Variants in ATXN3 observed in about 807,000 individuals in gnomAD.
The protein encoded by ATXN3 is ataxin-3.
ATXN3 carries 28 observed loss-of-function variants against 58.2 expected under a neutral mutation model. The observed-to-expected ratio is 0.48, with a 90% CI of 0.36 to 0.66. ATXN3 has a LOEUF of 0.66. Among genes scored for constraint, ATXN3 ranks in the 30% least tolerant of loss-of-function variants. The pLI, the probability that ATXN3 is intolerant of heterozygous loss-of-function variation, is 0.00. For missense variants in ATXN3, 321 were observed against 422.1 expected, an observed-to-expected ratio of 0.76 and a Z score of 2.10; for synonymous variants, 113 against 138.5, an observed-to-expected ratio of 0.82 and a Z score of 1.29.
upstream of ATXN3, among the ~76,000 whole-genome samples, chr14:92,051,289 T>C (rs1021647636): frequency 6.6e-6 from 1 of 152,234 alleles, no homozygotes; most frequent in African/African-American, 2.4e-5. Context: ...TTCCTGAAGT[T>C]AACAGATTCC....
rs997776178 is a variant in ATXN3 at position 92,080,538 on chromosome 14, T to C, written c.872+427A>G. ...ATTTTTATTTTTATTTATATATATA[T>C]ACATATATTTTTGGAGACGGAGTCT... On this transcript the variant is annotated intron_variant, in intron 9 of 10. Coordinates refer to ENST00000644486, the MANE Select transcript of ATXN3 (RefSeq NM_004993.6). 7 of 177,698 alleles carry C rather than the reference T, an allele frequency of 3.9e-5. No homozygotes were observed. The South Asian group carries it at 4.7e-4, about 12-fold the overall frequency. 11.0% of individuals were successfully genotyped at this position (177,698 alleles called of 1,614,324 possible).
Position 92,059,118 on chromosome 14 carries a change from T to A in ATXN3, c.*5202A>T, listed in dbSNP as rs1306938277. The A allele has an allele frequency of 6.6e-6, 1 of 152,114 alleles. No homozygotes were observed. Among genetic ancestry groups the A allele is most frequent in the Non-Finnish European group, 1.5e-5 (1 of 68,040 alleles). 9.4% of individuals were successfully genotyped at this position (152,114 alleles called of 1,614,324 possible). On this transcript the variant is annotated 3_prime_UTR_variant, in exon 11 of 11. Coordinates refer to ENST00000644486, the MANE Select transcript of ATXN3 (RefSeq NM_004993.6). ...ATGTTTTTTGATATGCTATTAAACA[T>A]GCCAATTACGACAAATTTAGAAGTT...
intron 9 of ATXN3, among the ~76,000 whole-genome samples, chr14:92,076,262 A>G (rs1160830496): frequency 6.6e-6 from 1 of 152,124 alleles, no homozygotes; most frequent in East Asian, 1.9e-4. Flanking sequence ...TCTGGCCAAC[A>G]TGGTGAAACC....
chr14:92,092,811 C>A (rs2064147606), intron 5 of ATXN3, among the ~76,000 whole-genome samples: 1 of 150,556 alleles, frequency 6.6e-6, no homozygotes, highest in African/African-American at 2.4e-5. Context: ...TGGTCAGTTT[C>A]CTAATTTTAA....
At chr14:92,083,046 C>G in intron 7 of ATXN3, 80 bp downstream of exon 7, 1 of 1,489,032 alleles carries the variant, frequency 6.7e-7, no homozygotes, top group Non-Finnish European at 9.0e-7. Context: ...ACAAGGACCA[C>G]ATATTCAATC....
At chr14:92,046,478 A>G (rs2057428403) in intron 2 of ATXN3, among the ~76,000 whole-genome samples, 1 of 152,264 alleles carries the variant, frequency 6.6e-6, no homozygotes, top group Admixed American at 6.5e-5. Context: ...TTGTTTGGAC[A>G]GAAAGGCTAC....
At chr14:92,078,481 C>A (rs188626397) in intron 9 of ATXN3, among the ~76,000 whole-genome samples, 10 of 152,046 alleles carry the variant, frequency 6.6e-5, no homozygotes, top group Non-Finnish European at 7.3e-5. Flanking sequence ...CCTGCCTCAG[C>A]CTCTCAAGTA....
chr14:92,078,978 G>C (rs547463247), intron 9 of ATXN3, among the ~76,000 whole-genome samples: 77 of 152,226 alleles, frequency 5.1e-4, no homozygotes, highest in Admixed American at 9.2e-4. Context: ...TTGAGGTCAG[G>C]AGTTTAAGGC....
chr14:92,068,545 C>T (rs2058841338), intron 10 of ATXN3, among the ~76,000 whole-genome samples: 1 of 152,076 alleles, frequency 6.6e-6, no homozygotes, highest in Admixed American at 6.6e-5. Flanking sequence ...GTTCCAAGGT[C>T]CCTAGCCAGT....
chr14:92,096,288 AG>A, intron 2 of ATXN3, 151 bp from the exon 3 acceptor site: 1 of 1,522,984 alleles, frequency 6.6e-7, no homozygotes, highest in Non-Finnish European at 8.8e-7. Context: ...AGATCCCTAT[AG>A]GAAGAATGGC....
intron 5 of ATXN3, among the ~76,000 whole-genome samples, chr14:92,089,617 T>G (rs988805130): frequency 1.1e-4 from 16 of 152,096 alleles, no homozygotes. Flanking sequence ...GGATTACAGG[T>G]GTGAGCCACC....
chr14:92,068,785 T>C (rs1434137172), intron 10 of ATXN3, among the ~76,000 whole-genome samples: 7 of 152,028 alleles, frequency 4.6e-5, no homozygotes, highest in Non-Finnish European at 7.4e-5. Context: ...AGACAGGGTT[T>C]CTCCATGTTG....
At chr14:92,095,252 T>C (rs760128804) in intron 3 of ATXN3, among the ~76,000 whole-genome samples, 1 of 152,110 alleles carries the variant, frequency 6.6e-6, no homozygotes, top group Admixed American at 6.5e-5. Context: ...TAAGGATTTC[T>C]TTTTTTCTTT....
chr14:92,091,459 G>GAAA (rs766148892), intron 5 of ATXN3, among the ~76,000 whole-genome samples: 39,840 of 149,420 alleles, frequency 0.27, 5,503 homozygotes, highest in East Asian at 0.42. Context: ...TCAAAAGAAG[G>GAAA]AAAGAAAGAA....
chr14:92,064,374 C>T lies in ATXN3; in HGVS notation c.1032G>A (p.Val344=). The T allele has an allele frequency of 6.2e-7, 1 of 1,613,070 alleles. No individual in the cohort carries two copies. Among genetic ancestry groups the T allele is most frequent in the Non-Finnish European group, 8.5e-7 (1 of 1,179,418 alleles). ...TTCTGACAGTTTCTAAAGACATGGT[C>T]ACAGCTGCCTGAAGCATGTCTTCTT... The part of the protein sequence containing the change: ...MSEEDMLQAA[V]TMSLETVRND... The change falls in exon 11 of 11, where the codon GTG becomes GTA. Residue 344 remains valine, a synonymous_variant. Transcript: ENST00000644486.
At chr14:92,094,191 G>T (rs4904836) in intron 3 of ATXN3, among the ~76,000 whole-genome samples, 1 of 151,566 alleles carries the variant, frequency 6.6e-6, no homozygotes, top group African/African-American at 2.4e-5. Flanking sequence ...CCACCCGCCT[G>T]GGCCTCCCAA....
upstream of ATXN3, among the ~76,000 whole-genome samples, chr14:92,052,770 A>G (rs1024256953): frequency 1.3e-5 from 2 of 152,192 alleles, no homozygotes; most frequent in African/African-American, 4.8e-5. Context: ...TTATTCAGCC[A>G]GAGTTGAAAA....
intron 7 of ATXN3, 82 bp downstream of exon 7, chr14:92,083,044 C>A: frequency 6.8e-7 from 1 of 1,479,322 alleles, no homozygotes. Flanking sequence ...ACACAAGGAC[C>A]ACATATTCAA....
chr14:92,093,691 CT>C, intron 4 of ATXN3, 54 bp downstream of exon 4: 1 of 1,326,420 alleles, frequency 7.5e-7, no homozygotes, highest in Non-Finnish European at 1.1e-6. Flanking sequence ...GAAATTACAA[CT>C]TTAAAAATCA....
Sources: allele counts gnomAD v4.1 joint callset (sites outside exome capture counted in the v4.1 genomes callset), GRCh38; gene constraint gnomAD v4.1.1; transcripts MANE v1.5; gene names NCBI Gene and HGNC (gene_info 2026-07-23, HGNC 2026-07-21).